FNBP4: variants seen among roughly 807,000 people sequenced by gnomAD.
The protein encoded by FNBP4 is formin binding protein 4, also known as formin-binding protein 4.
A neutral mutation model predicts 119.3 loss-of-function variants in FNBP4; 34 were observed. The observed-to-expected ratio is 0.28, with a 90% CI of 0.22 to 0.38. FNBP4 has a LOEUF of 0.38. Among genes scored for constraint, FNBP4 ranks in the 10% least tolerant of loss-of-function variants. The probability of loss-of-function intolerance (pLI) is 1.00; values close to 1 mark genes in which losing one functional copy is unlikely to be tolerated. For missense variants in FNBP4, 1,112 were observed against 1,228.9 expected (o/e 0.90, Z 1.42); for synonymous variants, 462 against 430.6 (o/e 1.07, Z -0.90).
At chr11:47,748,510 G>C (rs1007015748) in intron 6 of FNBP4, among the ~76,000 whole-genome samples, 2 of 151,922 alleles carry the variant, frequency 1.3e-5, no homozygotes, top group African/African-American at 4.8e-5. Context: ...GAGTAGCTGG[G>C]ACTACAGGTG....
chr11:47,764,183 A>C (rs1487169894), intron 2 of FNBP4, among the ~76,000 whole-genome samples: 1 of 152,138 alleles, frequency 6.6e-6, no homozygotes, highest in Non-Finnish European at 1.5e-5. Flanking sequence ...GCAAAACCTC[A>C]GTTCACTGCA....
chr11:47,756,488 T>C (rs529972519), intron 2 of FNBP4, among the ~76,000 whole-genome samples: 75 of 152,296 alleles, frequency 4.9e-4, no homozygotes, highest in Non-Finnish European at 9.4e-4. Context: ...TCATATTCAG[T>C]GCCTTAGTAT....
chr11:47,762,773 G>A (rs1006085637), intron 2 of FNBP4, among the ~76,000 whole-genome samples: 1 of 151,792 alleles, frequency 6.6e-6, no homozygotes, highest in Non-Finnish European at 1.5e-5. Flanking sequence ...AGCTGGGCAT[G>A]GTGGCGTGGG....
At position 47,717,135 on chromosome 11, in the gene FNBP4, C is replaced by CACAT. The variant is rs2097550841; in HGVS notation, c.*283_*286dup. 7.2e-6 allele frequency: 2 copies of CACAT among 276,148 alleles called. No individual in the cohort carries two copies. Among genetic ancestry groups the CACAT allele is most frequent in the Non-Finnish European group, 1.4e-5 (2 of 146,708 alleles). 17.1% of individuals were successfully genotyped at this position (276,148 alleles called of 1,614,324 possible). On this transcript the variant is annotated 3_prime_UTR_variant, in exon 17 of 17. Transcript: ENST00000263773. ...CTACAGAAGTGTTATACTCATGAGC[C>CACAT]ACATGTTCTTCAAGACTGATGAGGT...
At position 47,754,722 on chromosome 11, in the gene FNBP4, C is replaced by T. The variant is rs898772945; in HGVS notation, c.314-58G>A. 26 of 1,566,122 alleles carry T rather than the reference C, an allele frequency of 1.7e-5. No individual in the cohort carries two copies. The African/African-American group carries it at 3.3e-4, about 20-fold the overall frequency. ...AACAATGTCAATATGTCCTAAGAAG[C>T]ATCTAAAGCGGAAGTATAACATGTT... On this transcript the variant is annotated intron_variant, in intron 2 of 16. Transcript: ENST00000263773.
intron 3 of FNBP4, among the ~76,000 whole-genome samples, chr11:47,753,624 A>C (rs1599243225): frequency 6.6e-6 from 1 of 152,004 alleles, no homozygotes; most frequent in African/African-American, 2.4e-5. Flanking sequence ...AAAAACAAAA[A>C]ACAAAAAAAA....
At position 47,746,145 on chromosome 11, in the gene FNBP4, C is replaced by A. The variant is rs2097589752; in HGVS notation, c.1156G>T (p.Asp386Tyr). The change falls in exon 7 of 17, where the codon GAT becomes TAT. Residue 386 changes from aspartate (D) to tyrosine (Y), a missense_variant. Asp to Tyr is a radical substitution (Grantham distance 160, BLOSUM62 -3). Around this residue, in one of 2 missense-constraint regions of FNBP4, gnomAD observed 826 missense variants for 988.8 expected, o/e 0.84. Transcript: ENST00000263773. ...CCAGATTGGACAACACTGCAAAGAT[C>A]CTCCTGAGAAGGGTCTTCTATATTG... ...LDNIEDPSQE[D>Y]LCSVVQSGES... The A allele has an allele frequency of 1.2e-6, 2 of 1,614,064 alleles. No homozygotes were observed. The highest frequency in any genetic ancestry group is 2.7e-5 in the African/African-American group (2 of 74,938).
chr11:47,763,732 C>T (rs997562173), intron 2 of FNBP4, among the ~76,000 whole-genome samples: 1 of 151,926 alleles, frequency 6.6e-6, no homozygotes, highest in Non-Finnish European at 1.5e-5. Flanking sequence ...GATCTCCTGA[C>T]GTCATTATCC....
At chr11:47,745,155 A>G (rs779608528) in intron 7 of FNBP4, among the ~76,000 whole-genome samples, 16 of 152,314 alleles carry the variant, frequency 1.1e-4, no homozygotes, top group Admixed American at 2.0e-4. Flanking sequence ...TTTGAACAGT[A>G]TGAAATCAGT....
intron 15 of FNBP4, among the ~76,000 whole-genome samples, chr11:47,721,911 T>C (rs1181608896): frequency 1.6e-5 from 2 of 123,194 alleles, no homozygotes; most frequent in Non-Finnish European, 3.3e-5. Context: ...TCCTATCAAA[T>C]GATTAAAAAA....
rs755329648 is a variant in FNBP4 at position 47,732,690 on chromosome 11, A to T, written c.1687-20T>A. The T allele has an allele frequency of 1.2e-6, 2 of 1,610,616 alleles. No individual in the cohort carries two copies. Among genetic ancestry groups the T allele is most frequent in the Admixed American group, 3.3e-5 (2 of 59,980 alleles). On this transcript the variant is annotated intron_variant, in intron 10 of 16. Transcript: ENST00000263773. The surrounding 1 kb of genome is among the most constrained non-coding windows in gnomAD (Gnocchi z 4.2). ...TCGAGTCTAGAATAAACAGACAAAT[A>T]AGTTAAAGACTTATTATTACATGTC...
intron 2 of FNBP4, among the ~76,000 whole-genome samples, chr11:47,763,970 TAA>T (rs907212248): frequency 6.6e-6 from 1 of 152,126 alleles, no homozygotes; most frequent in Non-Finnish European, 1.5e-5. Flanking sequence ...AATGTGCCCC[TAA>T]AAAGGATGTT....
chr11:47,763,523 C>T (rs1030456811), intron 2 of FNBP4, among the ~76,000 whole-genome samples: 5 of 149,012 alleles, frequency 3.4e-5, no homozygotes, highest in Admixed American at 6.7e-5. Flanking sequence ...TGTTTTGAGA[C>T]GGAGTCTTGC....
rs1173837505 is a variant in FNBP4 at position 47,723,200 on chromosome 11, T to C, written c.2581A>G (p.Asn861Asp). ...HQARGMSLQS[N>D]YLGLAAAPAI... ...GGTGCTGCCGCTAGTCCAAGGTAAT[T>C]TGACTGCAGGCTCATTCCTCTGGCC... Residue 861 changes from asparagine (N) to aspartate (D), a missense_variant, in exon 15 of 17, where the codon AAT becomes GAT. Physicochemically the swap from Asn to Asp is conservative, Grantham distance 23 (BLOSUM62 1). Transcript: ENST00000263773. 1.2e-6 allele frequency: 2 copies of C among 1,614,058 alleles called. No individual in the cohort carries two copies. Among genetic ancestry groups the C allele is most frequent in the African/African-American group, 2.7e-5 (2 of 74,926 alleles).
chr11:47,730,979 A>G (rs1016739256), intron 12 of FNBP4, among the ~76,000 whole-genome samples: 2 of 152,220 alleles, frequency 1.3e-5, no homozygotes, highest in African/African-American at 2.4e-5. Flanking sequence ...TGAGGTTGCA[A>G]TATGAACAGA....
chr11:47,765,180 GCATTCAGCAAAA>G (rs982824691), intron 2 of FNBP4, 78 bp downstream of exon 2: 1 of 788,342 alleles, frequency 1.3e-6, no homozygotes, highest in Admixed American at 2.4e-5. Flanking sequence ...CAACACTAAA[GCATTCAGCAAAA>G]CATTCTATGT....
chr11:47,740,260 C>A (rs1264867915), intron 8 of FNBP4, among the ~76,000 whole-genome samples: 1 of 151,364 alleles, frequency 6.6e-6, no homozygotes, highest in Non-Finnish European at 1.5e-5. Flanking sequence ...ACTAAAAATA[C>A]AAAAATTAGC....
Position 47,767,165 on chromosome 11 carries a change from T to C in FNBP4, c.124A>G (p.Thr42Ala). Reference sequence around the variant, plus strand: ...GCGGGCTGGCTGGGGACCGCCGCGGTTGAGTCCGGCTCAGTGTCGGGTTCC... The same window carrying C: ...GCGGGCTGGCTGGGGACCGCCGCGGCTGAGTCCGGCTCAGTGTCGGGTTCC... Reference protein sequence around the residue: ...EPEPDTEPDSTAAVPSQPAPS... With the variant: ...EPEPDTEPDSAAAVPSQPAPS... The change falls in exon 1 of 17, where the codon ACC (threonine) becomes GCC (alanine). Residue 42 changes from threonine (T) to alanine (A), a missense_variant. Coordinates refer to ENST00000263773, the MANE Select transcript of FNBP4 (RefSeq NM_015308.5). 2 of 1,551,480 alleles carry C rather than the reference T, an allele frequency of 1.3e-6. No individual in the cohort carries two copies. The highest frequency in any genetic ancestry group is 1.7e-6 in the Non-Finnish European group (2 of 1,153,786).
chr11:47,765,151 T>C (rs983612353), intron 2 of FNBP4, 119 bp downstream of exon 2: 4 of 652,546 alleles, frequency 6.1e-6, no homozygotes, highest in East Asian at 2.7e-5. Context: ...AATCATATTT[T>C]TGGGAGAAAT....
Sources: allele counts gnomAD v4.1 joint callset (sites outside exome capture counted in the v4.1 genomes callset), GRCh38; gene constraint gnomAD v4.1.1; regional missense constraint gnomAD v4.1.1; non-coding constraint Gnocchi (gnomAD v3.1); transcripts MANE v1.5; gene names NCBI Gene and HGNC (gene_info 2026-07-23, HGNC 2026-07-21).